CNTN6: variants seen among roughly 807,000 people sequenced by gnomAD.
The protein encoded by CNTN6 is contactin 6, also known as contactin-6.
Under a neutral mutation model 122.8 loss-of-function variants are expected in CNTN6, and 137 were observed. That is an observed-to-expected ratio of 1.12 (90% confidence interval 0.97 to 1.29). The LOEUF (loss-of-function observed/expected upper bound fraction) is 1.29. Ranked by LOEUF, CNTN6 falls within the 50% of genes most tolerant of loss-of-function variation. The pLI is 0.00. For missense variants in CNTN6, 1,634 were observed against 1,223.4 expected, an observed-to-expected ratio of 1.34 and a Z score of -5.01; for synonymous variants, 570 against 426.0, an observed-to-expected ratio of 1.34 and a Z score of -4.16.
At chr3:1,372,649 C>T (rs1709218880) in intron 13 of CNTN6, among the ~76,000 whole-genome samples, 175 bp downstream of exon 13, 1 of 152,018 alleles carries the variant, frequency 6.6e-6, no homozygotes, top group Non-Finnish European at 1.5e-5. Context: ...CGTAGAAATA[C>T]TTGTTTTCTA....
At chr3:1,124,845 A>C (rs1220404001) in intron 1 of CNTN6, among the ~76,000 whole-genome samples, 1 of 151,940 alleles carries the variant, frequency 6.6e-6, no homozygotes, top group Non-Finnish European at 1.5e-5. Flanking sequence ...CATTTTTCCC[A>C]AACACCAGCA....
chr3:1,306,489 T>G (rs543479711), intron 7 of CNTN6, among the ~76,000 whole-genome samples: 2 of 152,252 alleles, frequency 1.3e-5, no homozygotes, highest in Non-Finnish European at 2.9e-5. Context: ...CAATAAATAA[T>G]TTATCAGTGA....
At chr3:1,339,519 A>G (rs896309824) in intron 11 of CNTN6, among the ~76,000 whole-genome samples, 1 of 152,144 alleles carries the variant, frequency 6.6e-6, no homozygotes, top group African/African-American at 2.4e-5. Context: ...CTAACATGTG[A>G]AGAGAGTGAG....
chr3:1,331,133 T>C (rs1323979055), intron 11 of CNTN6, among the ~76,000 whole-genome samples: 1 of 151,966 alleles, frequency 6.6e-6, no homozygotes, highest in Non-Finnish European at 1.5e-5. Flanking sequence ...TTTGTGGTTA[T>C]AACTGCTGCC....
intron 8 of CNTN6, among the ~76,000 whole-genome samples, chr3:1,323,491 T>C (rs554728810): frequency 6.6e-6 from 1 of 151,900 alleles, no homozygotes; most frequent in South Asian, 2.1e-4. Context: ...TAATTCACTT[T>C]CTGAAGTGCT....
chr3:1,320,081 G>T (rs1430649091), intron 7 of CNTN6, among the ~76,000 whole-genome samples: 1 of 151,506 alleles, frequency 6.6e-6, no homozygotes, highest in African/African-American at 2.4e-5. Context: ...GTTATCTGAG[G>T]TTAATTGTTG....
chr3:1,373,856 T>C lies in CNTN6; in HGVS notation c.1946-68T>C, dbSNP rs1013593206. The C allele has an allele frequency of 1.0e-5, 15 of 1,469,516 alleles. No individual in the cohort carries two copies. In the African/African-American group the frequency reaches 2.2e-4, roughly 21 times the overall value. The allele number at this position is 1,469,516 out of a possible 1,614,324, so 91.0% of individuals were successfully genotyped here. A position where few individuals can be genotyped will look rare whatever the true frequency, so the allele number is the denominator to read the frequency against. On this transcript the variant is annotated intron_variant, in intron 15 of 22. Transcript: ENST00000446702. ...ATTACATTTTAAATTAATAATTATATAATTTTGTACAATTATTTGTTTTTG... is the reference window on the plus strand; with the variant it reads ...ATTACATTTTAAATTAATAATTATACAATTTTGTACAATTATTTGTTTTTG...
At chr3:1,341,249 A>C (rs1454794639) in intron 11 of CNTN6, among the ~76,000 whole-genome samples, 1 of 151,798 alleles carries the variant, frequency 6.6e-6, no homozygotes, top group Non-Finnish European at 1.5e-5. Flanking sequence ...TCCTTTGCCA[A>C]CTTCATACTT....
intron 12 of CNTN6, among the ~76,000 whole-genome samples, chr3:1,363,575 G>C (rs540966509): frequency 1.3e-5 from 2 of 151,814 alleles, no homozygotes; most frequent in East Asian, 3.9e-4. Context: ...CTTCTATATT[G>C]TTGCAAATGG....
chr3:1,354,172 G>A (rs1706152408), intron 12 of CNTN6, among the ~76,000 whole-genome samples: 1 of 151,446 alleles, frequency 6.6e-6, no homozygotes. Flanking sequence ...GAAGCCACTG[G>A]ACTGCATTCT....
At chr3:1,182,073 A>T (rs543967348) in intron 2 of CNTN6, among the ~76,000 whole-genome samples, 3 of 152,128 alleles carry the variant, frequency 2.0e-5, no homozygotes. Context: ...TAGGCATTCA[A>T]TATATATTGA....
chr3:1,168,370 T>G (rs2093298559), intron 2 of CNTN6, among the ~76,000 whole-genome samples: 1 of 148,258 alleles, frequency 6.7e-6, no homozygotes. Context: ...TATTGAGCAG[T>G]GCACATCTAG....
intron 20 of CNTN6, among the ~76,000 whole-genome samples, chr3:1,391,535 G>C (rs1159394302): frequency 7.8e-6 from 1 of 128,926 alleles, no homozygotes; most frequent in Non-Finnish European, 1.6e-5. Flanking sequence ...ATTCAACATA[G>C]TGTTGGAAGT....
At chr3:1,175,243 A>G (rs2093427248) in intron 2 of CNTN6, among the ~76,000 whole-genome samples, 1 of 151,472 alleles carries the variant, frequency 6.6e-6, no homozygotes, top group East Asian at 1.9e-4. Context: ...AAAAAAAAAA[A>G]AGACATATCT....
chr3:1,279,344 A>G (rs1010699277), intron 5 of CNTN6, among the ~76,000 whole-genome samples: 1 of 149,054 alleles, frequency 6.7e-6, no homozygotes, highest in Non-Finnish European at 1.5e-5. Context: ...CAGTGTGAAA[A>G]CATCCATGGA....
intron 1 of CNTN6, among the ~76,000 whole-genome samples, chr3:1,134,529 C>G (rs962998821): frequency 1.3e-5 from 2 of 152,100 alleles, no homozygotes; most frequent in African/African-American, 4.8e-5. Flanking sequence ...TTGCCTAGAC[C>G]TGGATACAAA....
chr3:1,352,224 A>T, intron 11 of CNTN6, 100 bp from the exon 12 acceptor site: 1 of 1,059,784 alleles, frequency 9.4e-7, no homozygotes, highest in African/African-American at 1.6e-5. Flanking sequence ...ATTATCACAT[A>T]CACCCATGAT....
At chr3:1,135,606 AAATACACTGTATATACAC>A (rs2092451498) in intron 1 of CNTN6, among the ~76,000 whole-genome samples, 6 of 152,232 alleles carry the variant, frequency 3.9e-5, no homozygotes, top group Non-Finnish European at 7.3e-5. Context: ...ACACATACAT[AAATACACTGTATATACAC>A]TACATATATA....
At chr3:1,218,746 C>A (rs1460532005) in intron 2 of CNTN6, among the ~76,000 whole-genome samples, 2 of 152,090 alleles carry the variant, frequency 1.3e-5, no homozygotes, top group Admixed American at 6.5e-5. Context: ...CGCACACACA[C>A]AAATTTGCTG....
Sources: gnomAD v4.1 joint callset for allele counts (sites outside exome capture counted in the v4.1 genomes callset) on GRCh38, gnomAD v4.1.1 for gene constraint, MANE v1.5 for transcripts, NCBI Gene and HGNC (gene_info 2026-07-23, HGNC 2026-07-21) for gene names.